KLHL1: variants seen among roughly 807,000 people sequenced by gnomAD.
KLHL1 encodes kelch like family member 1, also known as kelch-like protein 1.
In KLHL1, 47 loss-of-function variants were observed where a neutral mutation model predicts 77.7. The observed-to-expected ratio is 0.60, with a 90% CI of 0.48 to 0.77. The LOEUF (loss-of-function observed/expected upper bound fraction) is 0.77, where lower values mean the gene tolerates loss of function less well. Ranked by LOEUF, KLHL1 falls within the 30% of genes least tolerant of loss-of-function variation. The pLI, the probability that KLHL1 is intolerant of heterozygous loss-of-function variation, is 0.00. For missense variants in KLHL1, 925 were observed against 910.8 expected, an observed-to-expected ratio of 1.02 and a Z score of -0.20; for synonymous variants, 360 against 325.2, an observed-to-expected ratio of 1.11 and a Z score of -1.15.
intron 4 of KLHL1, among the ~76,000 whole-genome samples, chr13:69,898,920 G>T (rs967746700): frequency 2.6e-5 from 4 of 152,120 alleles, no homozygotes; most frequent in African/African-American, 9.7e-5. Flanking sequence ...AGTCTTTGGT[G>T]CTAGAGACAT....
At chr13:69,951,421 G>A (rs60869989) in intron 3 of KLHL1, among the ~76,000 whole-genome samples, 19,366 of 151,424 alleles carry the variant, frequency 0.13, 1,923 homozygotes, top group East Asian at 0.29. Context: ...CAAGTTAGTA[G>A]GAACATGTTT....
chr13:69,884,489 T>C (rs950902894), intron 4 of KLHL1, among the ~76,000 whole-genome samples: 1 of 151,654 alleles, frequency 6.6e-6, no homozygotes, highest in African/African-American at 2.4e-5. Context: ...TTGAAAGATT[T>C]GTCCACCTGT....
At chr13:70,084,647 T>TTTC (rs1386041223) in intron 1 of KLHL1, among the ~76,000 whole-genome samples, 7 of 115,198 alleles carry the variant, frequency 6.1e-5, no homozygotes, top group African/African-American at 1.9e-4. Flanking sequence ...TTTTTTTTTT[T>TTTC]TGAATTTTTA....
chr13:69,714,341 T>C (rs1023775868), intron 9 of KLHL1, among the ~76,000 whole-genome samples: 2 of 152,150 alleles, frequency 1.3e-5, no homozygotes, highest in Non-Finnish European at 2.9e-5. Flanking sequence ...AACAGCTCTT[T>C]GACTCCTTTC....
chr13:69,748,425 T>A (rs9317841), intron 7 of KLHL1, among the ~76,000 whole-genome samples: 62,570 of 151,786 alleles, frequency 0.41, 13,077 homozygotes, highest in African/African-American at 0.46. Flanking sequence ...AAAAGCGGAA[T>A]CCCCTGATAA....
intron 1 of KLHL1, among the ~76,000 whole-genome samples, chr13:70,016,721 C>T (rs972454393): frequency 6.6e-6 from 1 of 152,174 alleles, no homozygotes; most frequent in Non-Finnish European, 1.5e-5. Context: ...AAGCAGGAGG[C>T]AGACAGGCTC....
At chr13:69,936,349 G>A (rs555189785) in intron 4 of KLHL1, among the ~76,000 whole-genome samples, 2 of 152,214 alleles carry the variant, frequency 1.3e-5, no homozygotes, top group African/African-American at 4.8e-5. Context: ...AGCACTTTGG[G>A]AGGCCAAGGC....
chr13:70,108,292 T>G lies in KLHL1; in HGVS notation c.-593A>C. On this transcript the variant is annotated 5_prime_UTR_variant, in exon 1 of 11. Coordinates refer to ENST00000377844, the MANE Select transcript of KLHL1 (RefSeq NM_020866.3). ...CCTGGCCTTTTCGAGGATGCCCCGATAGCCTGCCGGGTGGCTCTGAGAAAG... is the reference window on the plus strand; with the variant it reads ...CCTGGCCTTTTCGAGGATGCCCCGAGAGCCTGCCGGGTGGCTCTGAGAAAG... 1 of 354,102 alleles carries G rather than the reference T, an allele frequency of 2.8e-6. No individual in the cohort carries two copies. Among genetic ancestry groups the G allele is most frequent in the Non-Finnish European group, 5.0e-6 (1 of 198,668 alleles). The allele number at this position is 354,102 out of a possible 1,614,324, so 21.9% of individuals were successfully genotyped here. A position where few individuals can be genotyped will look rare whatever the true frequency, so the allele number is the denominator to read the frequency against.
At chr13:69,898,870 G>A (rs186494251) in intron 4 of KLHL1, among the ~76,000 whole-genome samples, 1 of 152,260 alleles carries the variant, frequency 6.6e-6, no homozygotes, top group Admixed American at 6.5e-5. Flanking sequence ...ACGAGGCCTG[G>A]AGACTCACCA....
At chr13:69,840,132 CTATAAT>C (rs757300044) in intron 5 of KLHL1, among the ~76,000 whole-genome samples, 2 of 152,018 alleles carry the variant, frequency 1.3e-5, no homozygotes, top group Admixed American at 6.6e-5. Context: ...AAATTTAACA[CTATAAT>C]TATGACTTTA....
chr13:70,084,537 C>T (rs1257369686), intron 1 of KLHL1, among the ~76,000 whole-genome samples: 3 of 136,600 alleles, frequency 2.2e-5, no homozygotes, highest in African/African-American at 8.3e-5. Context: ...CTGCTCACTG[C>T]AAGCTCCACC....
intron 7 of KLHL1, among the ~76,000 whole-genome samples, chr13:69,786,916 G>A (rs1320428270): frequency 1.3e-5 from 2 of 152,150 alleles, no homozygotes; most frequent in African/African-American, 4.8e-5. Context: ...TTGCTTCAAA[G>A]AGAATAAAAT....
intron 1 of KLHL1, among the ~76,000 whole-genome samples, chr13:70,020,664 A>G (rs9542162): frequency 6.6e-6 from 1 of 151,724 alleles, no homozygotes; most frequent in Non-Finnish European, 1.5e-5. Context: ...ACCCAGGTAC[A>G]TAAAGGCAGT....
chr13:69,998,654 A>C lies in KLHL1; in HGVS notation c.498-22852T>G, dbSNP rs75950536. On this transcript the variant is annotated intron_variant, in intron 1 of 10. Coordinates refer to ENST00000377844, the MANE Select transcript of KLHL1 (RefSeq NM_020866.3). ...TAACTAGGACCTTAATTAGTTTGCT[A>C]TTAATAGTAATGGATGACTACAGAC... is the stretch of plus-strand genomic sequence containing the variant. 1.7e-3 allele frequency among the ~76,000 whole-genome samples: 266 copies of C among 152,132 alleles called. 1 individual carries two copies. The highest frequency in any genetic ancestry group is 6.0e-3 in the African/African-American group (251 of 41,534).
intron 7 of KLHL1, among the ~76,000 whole-genome samples, chr13:69,787,126 C>CATCCCCATCA (rs1876595830): frequency 6.6e-6 from 1 of 152,144 alleles, no homozygotes; most frequent in Non-Finnish European, 1.5e-5. Flanking sequence ...ATCAAGCTAC[C>CATCCCCATCA]AGTGACTTTC....
At chr13:69,705,834 A>G (rs1875600283) in intron 10 of KLHL1, among the ~76,000 whole-genome samples, 1 of 151,758 alleles carries the variant, frequency 6.6e-6, no homozygotes, top group African/African-American at 2.4e-5. Context: ...TCTTTTACCT[A>G]TTACTACCTA....
chr13:69,950,320 C>T (rs1279849249), intron 3 of KLHL1, among the ~76,000 whole-genome samples: 2 of 151,376 alleles, frequency 1.3e-5, no homozygotes, highest in African/African-American at 4.8e-5. Context: ...ATTACATATC[C>T]ATCATTTGAA....
At chr13:69,858,817 G>C (rs1043128204) in intron 5 of KLHL1, among the ~76,000 whole-genome samples, 9 of 152,014 alleles carry the variant, frequency 5.9e-5, no homozygotes, top group African/African-American at 2.2e-4. Flanking sequence ...GCCAAGCATG[G>C]AAAAGAGTAA....
rs543643292 is a variant in KLHL1, at chr13:69,859,273, T to C, written c.1228-20111A>G. 2.0e-3 allele frequency among the ~76,000 whole-genome samples: 292 copies of C among 144,466 alleles called. 2 individuals carry two copies. The highest frequency in any genetic ancestry group is 7.3e-3 in the African/African-American group (275 of 37,670). The allele number at this position is 144,466 out of a possible 152,430, so 94.8% of individuals were successfully genotyped here. A position where few individuals can be genotyped will look rare whatever the true frequency, so the allele number is the denominator to read the frequency against. On this transcript the variant is annotated intron_variant, in intron 5 of 10. Coordinates refer to ENST00000377844, the MANE Select transcript of KLHL1 (RefSeq NM_020866.3). Reference sequence around the variant, plus strand: ...CCATTTTGCACTTTTTTTTTTTTTTTCCTGTTCAGTGCCTTTGGAGACTAA... The same window carrying C: ...CCATTTTGCACTTTTTTTTTTTTTTCCCTGTTCAGTGCCTTTGGAGACTAA...
Sources: allele counts gnomAD v4.1 joint callset (sites outside exome capture counted in the v4.1 genomes callset), GRCh38; gene constraint gnomAD v4.1.1; transcripts MANE v1.5; gene names NCBI Gene and HGNC (gene_info 2026-07-23, HGNC 2026-07-21).